Variants in PIGK observed in about 807,000 individuals in gnomAD.
PIGK encodes the protein GPI-anchor transamidase.
A neutral mutation model predicts 50.6 loss-of-function variants in PIGK; 42 were observed. The ratio of observed to expected loss-of-function variants is 0.83; its 90% CI spans 0.65 to 1.07. The LOEUF (loss-of-function observed/expected upper bound fraction) is 1.07. PIGK is among the 50% of genes least tolerant of loss of function. The pLI is 0.00. For synonymous variants in PIGK, 151 were observed against 156.0 expected (o/e 0.97, Z 0.24); for missense variants, 448 against 488.7 (o/e 0.92, Z 0.78).
At chr1:77,219,253 C>G in intron 1 of PIGK, 57 bp downstream of exon 1, 1 of 1,412,958 alleles carries the variant, frequency 7.1e-7, no homozygotes, top group Non-Finnish European at 1.0e-6. Flanking sequence ...TATCGGACAT[C>G]TGCTGGAGGG....
Position 77,151,497 on chromosome 1 carries a change from A to G in PIGK, c.986+2952T>C, listed in dbSNP as rs149204358. Among the ~76,000 whole-genome samples the G allele has an allele frequency of 1.7e-3, 263 of 152,302 alleles. 2 individuals carry two copies. The highest frequency in any genetic ancestry group is 5.9e-3 in the African/African-American group (246 of 41,566). On this transcript the variant is annotated intron_variant, in intron 9 of 10. Coordinates refer to ENST00000370812, the MANE Select transcript of PIGK (RefSeq NM_005482.3). ...ACATAGTACTGGAATTCCAAGCCAGAGCAATTAGGCAAGAGAAAGAAATAA... is the reference window on the plus strand; with the variant it reads ...ACATAGTACTGGAATTCCAAGCCAGGGCAATTAGGCAAGAGAAAGAAATAA...
intron 3 of PIGK, among the ~76,000 whole-genome samples, chr1:77,202,602 T>C (rs1557430553): frequency 2.0e-5 from 3 of 152,192 alleles, no homozygotes; most frequent in Admixed American, 1.3e-4. Flanking sequence ...TTGAACTTTA[T>C]TCTAAATACT....
At chr1:77,116,112 G>A (rs569003285) in intron 10 of PIGK, among the ~76,000 whole-genome samples, 1 of 152,112 alleles carries the variant, frequency 6.6e-6, no homozygotes, top group Non-Finnish European at 1.5e-5. Flanking sequence ...CTCTGCCTTA[G>A]TGGAGGGACC....
intron 9 of PIGK, among the ~76,000 whole-genome samples, chr1:77,123,330 A>G (rs1332076993): frequency 2.0e-5 from 3 of 152,290 alleles, no homozygotes; most frequent in African/African-American, 7.2e-5. Context: ...ATCTTGAAAA[A>G]TAAATGAAAC....
Position 77,090,565 on chromosome 1 carries a change from A to G in PIGK, c.*1809T>C, listed in dbSNP as rs1653273690. The stretch of plus-strand genomic sequence containing the variant: ...AAGACGAATCCTTTTACTTTCTAGC[A>G]GTCTTTACAGGGTATGTTTCATTAT... On this transcript the variant is annotated 3_prime_UTR_variant, in exon 11 of 11. Transcript: ENST00000370812. 1 of 152,200 alleles carries G rather than the reference A, an allele frequency of 6.6e-6. No individual in the cohort carries two copies. The highest frequency in any genetic ancestry group is 6.5e-5 in the Admixed American group (1 of 15,274). The allele number at this position is 152,200 out of a possible 1,614,324, so 9.4% of individuals were successfully genotyped here. A position where few individuals can be genotyped will look rare whatever the true frequency, so the allele number is the denominator to read the frequency against.
At chr1:77,119,333 G>T in intron 10 of PIGK, among the ~76,000 whole-genome samples, 1 of 152,108 alleles carries the variant, frequency 6.6e-6, no homozygotes, top group Non-Finnish European at 1.5e-5. Flanking sequence ...TATTATACAG[G>T]TCTATGGTTT....
chr1:77,190,206 G>A (rs1655866294), intron 3 of PIGK, among the ~76,000 whole-genome samples: 1 of 151,758 alleles, frequency 6.6e-6, no homozygotes, highest in South Asian at 2.1e-4. Flanking sequence ...TGGGCCACTT[G>A]GTGAGACTCC....
rs138450002 is a variant in PIGK, at chr1:77,194,312, C to A, written c.239+12328G>T. 4.3e-4 allele frequency among the ~76,000 whole-genome samples: 65 copies of A among 152,236 alleles called. 1 individual carries two copies. Among genetic ancestry groups the A allele is most frequent in the African/African-American group, 1.5e-3 (62 of 41,542 alleles). ...TTAAACTACTATTCAACCTAGCAATCCCACTGGGTACATATTCAAAGGAAT... is the reference window on the plus strand; with the variant it reads ...TTAAACTACTATTCAACCTAGCAATACCACTGGGTACATATTCAAAGGAAT... On this transcript the variant is annotated intron_variant, in intron 3 of 10. Transcript: ENST00000370812.
At chr1:77,148,375 T>G (rs1437937814) in intron 9 of PIGK, among the ~76,000 whole-genome samples, 1 of 152,114 alleles carries the variant, frequency 6.6e-6, no homozygotes, top group African/African-American at 2.4e-5. Context: ...TAAATAAAAT[T>G]TATTTATAAA....
At chr1:77,125,774 A>C (rs1654217351) in intron 9 of PIGK, among the ~76,000 whole-genome samples, 1 of 152,160 alleles carries the variant, frequency 6.6e-6, no homozygotes, top group Non-Finnish European at 1.5e-5. Flanking sequence ...ATTTCAAAAA[A>C]AGTTTTATTA....
chr1:77,150,007 G>A (rs982609347), intron 9 of PIGK, among the ~76,000 whole-genome samples: 1 of 151,692 alleles, frequency 6.6e-6, no homozygotes, highest in Non-Finnish European at 1.5e-5. Context: ...GGTCAATGGA[G>A]AAATTAAGAA....
chr1:77,102,017 T>C (rs1395702038), intron 10 of PIGK, among the ~76,000 whole-genome samples: 1 of 152,052 alleles, frequency 6.6e-6, no homozygotes, highest in Non-Finnish European at 1.5e-5. Context: ...ACAAAAAAAA[T>C]TCTTCTAAAA....
At chr1:77,184,435 AGCTTAT>A (rs1280707794) in intron 3 of PIGK, among the ~76,000 whole-genome samples, 1 of 152,198 alleles carries the variant, frequency 6.6e-6, no homozygotes, top group Admixed American at 6.5e-5. Flanking sequence ...CATAACCAAC[AGCTTAT>A]GCAGTGAATC....
chr1:77,175,775 TA>T (rs974480430), intron 3 of PIGK, among the ~76,000 whole-genome samples: 3 of 151,944 alleles, frequency 2.0e-5, no homozygotes, highest in Non-Finnish European at 2.9e-5. Flanking sequence ...AGTGAACATT[TA>T]AAAAAAAGCA....
chr1:77,186,164 TC>T (rs946987563), intron 3 of PIGK, among the ~76,000 whole-genome samples: 4 of 152,278 alleles, frequency 2.6e-5, no homozygotes, highest in African/African-American at 9.6e-5. Flanking sequence ...CTGCCTTCTC[TC>T]CCCAAGCCTC....
chr1:77,189,228 T>C (rs1441577761), intron 3 of PIGK, among the ~76,000 whole-genome samples: 1 of 152,248 alleles, frequency 6.6e-6, no homozygotes, highest in African/African-American at 2.4e-5. Flanking sequence ...GGCAAAATTA[T>C]GTTTTTAGGC....
chr1:77,148,862 G>A (rs71658783), intron 9 of PIGK, among the ~76,000 whole-genome samples: 3 of 151,690 alleles, frequency 2.0e-5, no homozygotes, highest in Admixed American at 6.6e-5. Context: ...CTACAGGTGC[G>A]CACTGCCACG....
chr1:77,211,362 A>G (rs1656417038), intron 1 of PIGK, among the ~76,000 whole-genome samples: 1 of 151,982 alleles, frequency 6.6e-6, no homozygotes, highest in Non-Finnish European at 1.5e-5. Context: ...ATAGGTTCAG[A>G]ATATGGTAAG....
At chr1:77,166,380 A>G (rs17100001) in intron 5 of PIGK, among the ~76,000 whole-genome samples, 5,649 of 152,264 alleles carry the variant, frequency 0.037, 205 homozygotes, top group South Asian at 0.21. Context: ...AGTTTTAAGC[A>G]GAAGAGGGAC....
Sources: gnomAD v4.1 joint callset for allele counts (sites outside exome capture counted in the v4.1 genomes callset) on GRCh38, gnomAD v4.1.1 for gene constraint, MANE v1.5 for transcripts, NCBI Gene and HGNC (gene_info 2026-07-23, HGNC 2026-07-21) for gene names.